Variants in ROBO3 observed in about 807,000 individuals in gnomAD.
The protein encoded by ROBO3 is roundabout homolog 3.
In ROBO3, 97 loss-of-function variants were observed where a neutral mutation model predicts 160.5. The observed-to-expected ratio is 0.60, with a 90% confidence interval of 0.51 to 0.72. The LOEUF (loss-of-function observed/expected upper bound fraction) is 0.72. Among genes scored for constraint, ROBO3 ranks in the 30% least tolerant of loss-of-function variants. The pLI is 0.00. For missense variants in ROBO3, 1,858 were observed against 1,846.5 expected (o/e 1.01, Z -0.11); for synonymous variants, 780 against 746.2 (o/e 1.05, Z -0.74).
chr11:124,875,388 G>A, intron 14 of ROBO3, 52 bp downstream of exon 14: 1 of 1,491,192 alleles, frequency 6.7e-7, no homozygotes, highest in Non-Finnish European at 9.2e-7. Flanking sequence ...AAGGGGTGGG[G>A]GTGGAGGTGG....
rs1339517903 is a variant in ROBO3, at chr11:124,875,505, G to C, written c.2300-59G>C. The C allele has an allele frequency of 3.1e-6, 5 of 1,599,334 alleles. No individual in the cohort carries two copies. The African/African-American group carries it at 6.7e-5, about 22-fold the overall frequency. ...AACAGGGAGGGGGAATGTTGGGGCAGGAGGGGCAGCTTGCAATGACTATTT... is the reference window on the plus strand; with the variant it reads ...AACAGGGAGGGGGAATGTTGGGGCACGAGGGGCAGCTTGCAATGACTATTT... On this transcript the variant is annotated intron_variant, in intron 14 of 27. Transcript: ENST00000397801.
In ROBO3 at chr11:124,872,917, A is replaced by G; in HGVS notation, c.1364A>G (p.Gln455Arg). ...SLDGLPPVIL[Q>R]GPANQTLVLG... ...GATGGGCTGCCTCCTGTCATCCTCC[A>G]GGGACCAGCCAATCAGACGCTGGTG... Residue 455 changes from glutamine (Q) to arginine (R), a missense_variant, in exon 9 of 28, where the codon CAG becomes CGG. By Grantham distance (43) the Gln-to-Arg change is conservative (BLOSUM62 1). Coordinates refer to ENST00000397801, the MANE Select transcript of ROBO3 (RefSeq NM_022370.4). The surrounding 1 kb of genome is among the most constrained non-coding windows in gnomAD (Gnocchi z 4.3). 1 of 1,610,992 alleles carries G rather than the reference A, an allele frequency of 6.2e-7. No homozygotes were observed. Among genetic ancestry groups the G allele is most frequent in the South Asian group, 1.1e-5 (1 of 90,816 alleles).
chr11:124,871,160 GCTTCCCATCAGC>G (rs1946276374), intron 7 of ROBO3, 22 bp downstream of exon 7: 1 of 1,601,524 alleles, frequency 6.2e-7, no homozygotes, highest in African/African-American at 1.3e-5. Context: ...TCTCCAAGGA[GCTTCCCATCAGC>G]CTTCCTCTGC....
chr11:124,879,158 G>A (rs1032806169), intron 23 of ROBO3, 32 bp from the exon 24 acceptor site: 1 of 1,542,478 alleles, frequency 6.5e-7, no homozygotes, highest in African/African-American at 1.4e-5. Context: ...TTTTGTGGAG[G>A]GAACAGAGGC....
At chr11:124,874,303 A>C in intron 12 of ROBO3, 67 bp downstream of exon 12, 1 of 1,429,532 alleles carries the variant, frequency 7.0e-7, no homozygotes, top group Non-Finnish European at 9.6e-7. Flanking sequence ...TCTCCCCCAA[A>C]ACCATGACAC....
rs745923389 is a variant in ROBO3, at chr11:124,869,592, G to A, written c.630G>A (p.Glu210=). The A allele has an allele frequency of 4.0e-5, 63 of 1,574,510 alleles. No homozygotes were observed. Among genetic ancestry groups the A allele is most frequent in the South Asian group, 2.3e-5 (2 of 85,414 alleles). The change falls in exon 3 of 28, where the codon GAG becomes GAA. Residue 210 remains glutamate (E), a synonymous_variant. Transcript: ENST00000397801. This position sits in a 1 kb window ranked among gnomAD's most constrained non-coding sequence, Gnocchi z 4.2. ...WRKDGARLKE[E]EGRITIRGGK... Reference sequence around the variant, plus strand: ...AGGACGGTGCAAGACTCAAGGAAGAGGAAGGAAGGATCACGGTGAGGGCGG... The same window carrying A: ...AGGACGGTGCAAGACTCAAGGAAGAAGAAGGAAGGATCACGGTGAGGGCGG...
Position 124,872,314 on chromosome 11 carries a change from G to T in ROBO3, c.1159-67G>T. The stretch of plus-strand genomic sequence containing the variant: ...ATTCTCTGAATTTTGAGATTGACAG[G>T]AATGGGGACCTCTCCCTGCCCAGCT... On this transcript the variant is annotated intron_variant, in intron 7 of 27. Coordinates refer to ENST00000397801, the MANE Select transcript of ROBO3 (RefSeq NM_022370.4). This position sits in a 1 kb window ranked among gnomAD's most constrained non-coding sequence, Gnocchi z 4.3. The T allele has an allele frequency of 7.2e-7, 1 of 1,387,600 alleles. No homozygotes were observed. The highest frequency in any genetic ancestry group is 1.0e-6 in the Non-Finnish European group (1 of 974,390). 86.0% of individuals were successfully genotyped at this position (1,387,600 alleles called of 1,614,324 possible).
chr11:124,872,408 C>T lies in ROBO3; in HGVS notation c.1186C>T (p.Gln396Ter), dbSNP rs370110976. ...CCTGCTTTTCCCCAGTCAGTCACTT[C>T]AGCCGACGGGGCGCTTCTCAGTGTC... ...QVLLFPSQSL[Q>*]PTGRFSVSPR... The change falls in exon 8 of 28, where the codon CAG (glutamine) becomes TAG (stop). Residue 396 changes from glutamine to a stop codon, truncating the protein, a stop_gained. Transcript: ENST00000397801. LOFTEE classifies it high-confidence loss of function. This position sits in a 1 kb window ranked among gnomAD's most constrained non-coding sequence, Gnocchi z 4.3. 3.1e-6 allele frequency: 5 copies of T among 1,613,990 alleles called. No individual in the cohort carries two copies. Among genetic ancestry groups the T allele is most frequent in the Non-Finnish European group, 4.2e-6 (5 of 1,179,896 alleles).
Position 124,869,445 on chromosome 11 carries a change from C to CCCCCCCCA in ROBO3, c.488-3_488-2insCCCCCACC. 1 of 1,505,520 alleles carries CCCCCCCCA rather than the reference C, an allele frequency of 6.6e-7. No homozygotes were observed. The highest frequency in any genetic ancestry group is 9.0e-7 in the Non-Finnish European group (1 of 1,105,392). The allele number at this position is 1,505,520 out of a possible 1,614,324, so 93.3% of individuals were successfully genotyped here. On this transcript the variant is annotated splice_polypyrimidine_tract_variant and splice_region_variant and intron_variant, in intron 2 of 27. Transcript: ENST00000397801. The surrounding 1 kb of genome is among the most constrained non-coding windows in gnomAD (Gnocchi z 4.2). ...GCTTATTTCGCCCCCCACCGCCCCG[C>CCCCCCCCA]CCAGTCCTCCGTGATGATTTCCGGC...
At chr11:124,880,735 TGAGGGGGAGG>T in intron 27 of ROBO3, 127 bp downstream of exon 27, 1 of 1,332,552 alleles carries the variant, frequency 7.5e-7, no homozygotes, top group Non-Finnish European at 9.9e-7. Context: ...ATCGAGAGGG[TGAGGGGGAGG>T]GAGGAATCCT....
chr11:124,869,431 C>CGGG lies in ROBO3; in HGVS notation c.488-19_488-18insGGG. On this transcript the variant is annotated intron_variant, in intron 2 of 27. Transcript: ENST00000397801. This position sits in a 1 kb window ranked among gnomAD's most constrained non-coding sequence, Gnocchi z 4.2. ...TCACTCTACACCCTGCTTATTTCGC[C>CGGG]CCCCACCGCCCCGCCCAGTCCTCCG... The CGGG allele has an allele frequency of 7.7e-7, 1 of 1,303,868 alleles. No individual in the cohort carries two copies. Among genetic ancestry groups the CGGG allele is most frequent in the Middle Eastern group, 2.5e-4 (1 of 3,978 alleles). The allele number at this position is 1,303,868 out of a possible 1,614,324, so 80.8% of individuals were successfully genotyped here.
chr11:124,866,913 G>C (rs1022167620), intron 1 of ROBO3, among the ~76,000 whole-genome samples: 7 of 152,196 alleles, frequency 4.6e-5, no homozygotes, highest in African/African-American at 7.2e-5. Flanking sequence ...GTTAAGCACA[G>C]ATCCCTTCTC....
Position 124,872,289 on chromosome 11 carries a change from A to T in ROBO3, c.1159-92A>T, listed in dbSNP as rs987796477. On this transcript the variant is annotated intron_variant, in intron 7 of 27. Transcript: ENST00000397801. The surrounding 1 kb of genome is among the most constrained non-coding windows in gnomAD (Gnocchi z 4.3). Reference sequence around the variant, plus strand: ...CAGACGATGAACTAGAATCATAGGAATTCTCTGAATTTTGAGATTGACAGG... The same window carrying T: ...CAGACGATGAACTAGAATCATAGGATTTCTCTGAATTTTGAGATTGACAGG... 56 of 1,173,206 alleles carry T rather than the reference A, an allele frequency of 4.8e-5. No individual in the cohort carries two copies. The highest frequency in any genetic ancestry group is 6.7e-5 in the Non-Finnish European group (52 of 781,222). The allele number at this position is 1,173,206 out of a possible 1,614,324, so 72.7% of individuals were successfully genotyped here.
intron 27 of ROBO3, among the ~76,000 whole-genome samples, 168 bp from the exon 28 acceptor site, chr11:124,881,067 GACAA>G (rs1264848556): frequency 1.2e-4 from 18 of 151,978 alleles, no homozygotes; most frequent in Non-Finnish European, 2.6e-4. Context: ...CAAACAAACA[GACAA>G]ACAAAACAAA....
At chr11:124,874,028 G>C in intron 11 of ROBO3, 42 bp from the exon 12 acceptor site, 1 of 1,611,338 alleles carries the variant, frequency 6.2e-7, no homozygotes, top group Non-Finnish European at 8.5e-7. Flanking sequence ...CAGGTTGGGA[G>C]TTCCTGGCTT....
At chr11:124,879,071 G>T in intron 23 of ROBO3, 119 bp from the exon 24 acceptor site, 1 of 1,214,276 alleles carries the variant, frequency 8.2e-7, no homozygotes, top group African/African-American at 1.5e-5. Context: ...GAGGACTTAC[G>T]GGCGGACGGG....
chr11:124,879,207 C>A lies in ROBO3; in HGVS notation c.3551C>A (p.Pro1184Gln), dbSNP rs368839094. Reference sequence around the variant, plus strand: ...CATTGCAGGAGGGTGCCCCTTGGGCCGAGTTCCCCTCTCAGTGTATCCCAG... The same window carrying A: ...CATTGCAGGAGGGTGCCCCTTGGGCAGAGTTCCCCTCTCAGTGTATCCCAG... The part of the protein sequence containing the change: ...HQMPRRVPLG[P>Q]SSPLSVSQPM... The change falls in exon 24 of 28, where the codon CCG becomes CAG. Residue 1184 changes from proline to glutamine, a missense_variant. Physicochemically the swap from Pro to Gln is moderately conservative, Grantham distance 76 (BLOSUM62 -1). Transcript: ENST00000397801. 6 of 1,551,820 alleles carry A rather than the reference C, an allele frequency of 3.9e-6. No individual in the cohort carries two copies. Among genetic ancestry groups the A allele is most frequent in the Non-Finnish European group, 5.2e-6 (6 of 1,147,138 alleles).
chr11:124,876,012 C>A lies in ROBO3; in HGVS notation c.2480C>A (p.Ala827Glu). ...FHLNRSAAGW[A>E]RSAMLRGLVP... is the part of the protein sequence containing the mutation. Reference sequence around the variant, plus strand: ...CTCAATCGATCTGCAGCAGGCTGGGCACGCTCCGCAATGCTCCGAGGACTG... The same window carrying A: ...CTCAATCGATCTGCAGCAGGCTGGGAACGCTCCGCAATGCTCCGAGGACTG... Residue 827 changes from alanine to glutamate, a missense_variant, in exon 16 of 28, where the codon GCA becomes GAA. Transcript: ENST00000397801. This position sits in a 1 kb window ranked among gnomAD's most constrained non-coding sequence, Gnocchi z 5.3. 1 of 1,601,396 alleles carries A rather than the reference C, an allele frequency of 6.2e-7. No homozygotes were observed. The highest frequency in any genetic ancestry group is 8.5e-7 in the Non-Finnish European group (1 of 1,174,438).
At position 124,869,451 on chromosome 11, in the gene ROBO3, C is replaced by A; in HGVS notation, c.489C>A (p.Val163=). ...ASRNASLEVA[V]LRDDFRQSPG... is the part of the protein sequence containing the mutation. ...TTCGCCCCCCACCGCCCCGCCCAGT[C>A]CTCCGTGATGATTTCCGGCAGTCTC... Residue 163 remains valine (V), a splice_region_variant and synonymous_variant, in exon 3 of 28, where the codon GTC becomes GTA. Coordinates refer to ENST00000397801, the MANE Select transcript of ROBO3 (RefSeq NM_022370.4). The surrounding 1 kb of genome is among the most constrained non-coding windows in gnomAD (Gnocchi z 4.2). 7.1e-7 allele frequency: 1 copy of A among 1,402,102 alleles called. No individual in the cohort carries two copies. The highest frequency in any genetic ancestry group is 9.8e-7 in the Non-Finnish European group (1 of 1,023,912). 86.9% of individuals were successfully genotyped at this position (1,402,102 alleles called of 1,614,324 possible).
Sources: gnomAD v4.1 joint callset for allele counts (sites outside exome capture counted in the v4.1 genomes callset) on GRCh38, gnomAD v4.1.1 for gene constraint, Gnocchi (gnomAD v3.1) non-coding constraint, MANE v1.5 for transcripts, NCBI Gene and HGNC (gene_info 2026-07-23, HGNC 2026-07-21) for gene names.